Variants in ADAM22 observed in about 807,000 individuals in gnomAD.
ADAM22 encodes the protein ADAM metallopeptidase domain 22.
ADAM22 carries 65 observed loss-of-function variants against 144.6 expected under a neutral mutation model. That is an observed-to-expected ratio of 0.45 (90% confidence interval 0.37 to 0.55). The LOEUF is 0.55. ADAM22 is among the 20% of genes least tolerant of loss of function. The pLI, the probability that ADAM22 is intolerant of heterozygous loss-of-function variation, is 0.00. For synonymous variants in ADAM22, 391 were observed against 412.6 expected, an observed-to-expected ratio of 0.95 and a Z score of 0.63; for missense variants, 974 against 1,184.9, an observed-to-expected ratio of 0.82 and a Z score of 2.61.
At chr7:88,113,699 A>ATATATATATATATATATAATATATATATT (rs1554478638) in intron 5 of ADAM22, among the ~76,000 whole-genome samples, 2 of 39,462 alleles carry the variant, frequency 5.1e-5, no homozygotes, top group African/African-American at 2.3e-4. Context: ...TAAATAAATA[A>ATATATATATATATATATAATATATATATT]ATAAATATAT....
chr7:88,193,004 T>C (rs1849946482), intron 30 of ADAM22, 112 bp from the exon 31 acceptor site: 1 of 1,259,042 alleles, frequency 7.9e-7, no homozygotes, highest in Middle Eastern at 2.0e-4. Flanking sequence ...ATCTTTGCAG[T>C]AGTGGTATAT....
chr7:88,038,665 G>T (rs1030542180), intron 3 of ADAM22, among the ~76,000 whole-genome samples: 2 of 151,836 alleles, frequency 1.3e-5, no homozygotes, highest in Non-Finnish European at 2.9e-5. Flanking sequence ...GTGTTAGCCA[G>T]GATGGTCTCG....
intron 3 of ADAM22, among the ~76,000 whole-genome samples, chr7:88,052,341 CAA>C (rs58959590): frequency 0.039 from 4,898 of 126,354 alleles, 234 homozygotes; most frequent in African/African-American, 0.13. Flanking sequence ...ACTAAAAATG[CAA>C]AAAAAAAAAA....
chr7:88,006,977 T>C (rs1001604720), intron 3 of ADAM22, among the ~76,000 whole-genome samples: 10 of 151,904 alleles, frequency 6.6e-5, no homozygotes, highest in African/African-American at 2.2e-4. Flanking sequence ...TGTTTGCAGA[T>C]GACATGATTG....
chr7:88,088,016 A>G (rs1343747622), intron 4 of ADAM22, among the ~76,000 whole-genome samples: 1 of 152,192 alleles, frequency 6.6e-6, no homozygotes, highest in East Asian at 1.9e-4. Context: ...TGAAGTCTGG[A>G]AATGAGTAAA....
intron 25 of ADAM22, 43 bp from the exon 26 acceptor site, chr7:88,171,500 TA>T: frequency 6.4e-7 from 1 of 1,568,046 alleles, no homozygotes. Context: ...CAGAGGTAAC[TA>T]ACTCTTATGT....
intron 29 of ADAM22, among the ~76,000 whole-genome samples, chr7:88,183,265 TG>T (rs1460970477): frequency 6.6e-6 from 1 of 152,226 alleles, no homozygotes; most frequent in Non-Finnish European, 1.5e-5. Context: ...CTTGGAATGT[TG>T]TTTGGTTTGT....
chr7:88,050,637 G>A (rs1806052955), intron 3 of ADAM22, among the ~76,000 whole-genome samples: 1 of 152,092 alleles, frequency 6.6e-6, no homozygotes, highest in Non-Finnish European at 1.5e-5. Context: ...TCATGCGTCT[G>A]TTGGCTGCAT....
intron 2 of ADAM22, among the ~76,000 whole-genome samples, chr7:87,968,729 G>A (rs1022019625): frequency 6.6e-6 from 1 of 152,066 alleles, no homozygotes; most frequent in Non-Finnish European, 1.5e-5. Flanking sequence ...CTCTAAGGGG[G>A]AAAAAGAAAA....
intron 3 of ADAM22, among the ~76,000 whole-genome samples, chr7:87,991,066 AT>A (rs1419728950): frequency 6.6e-6 from 1 of 152,196 alleles, no homozygotes; most frequent in Non-Finnish European, 1.5e-5. Context: ...TGATATTCAA[AT>A]CTTTCTAAAG....
chr7:88,059,559 T>G (rs1184009802), intron 3 of ADAM22, among the ~76,000 whole-genome samples: 1 of 152,214 alleles, frequency 6.6e-6, no homozygotes, highest in Admixed American at 6.5e-5. Flanking sequence ...TTCAGACACC[T>G]GTACTCATAT....
chr7:88,157,788 G>A (rs1339006000), intron 22 of ADAM22, among the ~76,000 whole-genome samples: 1 of 152,136 alleles, frequency 6.6e-6, no homozygotes, highest in African/African-American at 2.4e-5. Flanking sequence ...TCTAGGATGA[G>A]TATCTGGAAG....
intron 10 of ADAM22, 48 bp from the exon 11 acceptor site, chr7:88,131,221 G>T: frequency 2.0e-6 from 3 of 1,530,026 alleles, no homozygotes; most frequent in South Asian, 2.4e-5. Flanking sequence ...TAAACTATTT[G>T]ATTTTACCAC....
At chr7:88,033,694 G>A (rs1256621206) in intron 3 of ADAM22, among the ~76,000 whole-genome samples, 1 of 152,216 alleles carries the variant, frequency 6.6e-6, no homozygotes, top group Non-Finnish European at 1.5e-5. Flanking sequence ...ATCAGGACCT[G>A]GAGTCAGAAA....
chr7:88,148,861 T>G, intron 17 of ADAM22, 116 bp from the exon 18 acceptor site: 3 of 719,006 alleles, frequency 4.2e-6, no homozygotes, highest in Non-Finnish European at 4.6e-6. Context: ...GATTACCATC[T>G]TACAGTAGTT....
chr7:88,201,522 T>G lies in ADAM22; in HGVS notation c.*5031T>G, dbSNP rs181818314. 1.3e-5 allele frequency: 2 copies of G among 152,434 alleles called. No individual in the cohort carries two copies. The highest frequency in any genetic ancestry group is 3.9e-4 in the East Asian group (2 of 5,186). 9.4% of individuals were successfully genotyped at this position (152,434 alleles called of 1,614,324 possible). ...GGTGGGAAGAGAGGTGCTGGATGCCTAAGACAGACTTCTGTGCTTGGCAGA... is the reference window on the plus strand; with the variant it reads ...GGTGGGAAGAGAGGTGCTGGATGCCGAAGACAGACTTCTGTGCTTGGCAGA... On this transcript the variant is annotated 3_prime_UTR_variant, in exon 32 of 32. Transcript: ENST00000413139.
intron 3 of ADAM22, among the ~76,000 whole-genome samples, chr7:87,982,209 G>C (rs1465372951): frequency 6.6e-6 from 1 of 151,882 alleles, no homozygotes; most frequent in Non-Finnish European, 1.5e-5. Flanking sequence ...TTTACTCTTA[G>C]GGAATTTGCA....
chr7:88,028,556 C>T (rs1799536106), intron 3 of ADAM22, among the ~76,000 whole-genome samples: 1 of 152,070 alleles, frequency 6.6e-6, no homozygotes, highest in African/African-American at 2.4e-5. Context: ...TCTGGATGAT[C>T]TGTCTAATGC....
chr7:87,985,043 G>A (rs1381067010), intron 3 of ADAM22, among the ~76,000 whole-genome samples: 1 of 151,454 alleles, frequency 6.6e-6, no homozygotes, highest in African/African-American at 2.4e-5. Context: ...GCTAGGTGCG[G>A]TGGCTCACGC....
Sources: gnomAD v4.1 joint callset for allele counts (sites outside exome capture counted in the v4.1 genomes callset) on GRCh38, gnomAD v4.1.1 for gene constraint, MANE v1.5 for transcripts, NCBI Gene and HGNC (gene_info 2026-07-23, HGNC 2026-07-21) for gene names.